GDPD5: variants seen among roughly 807,000 people sequenced by gnomAD.
GDPD5 encodes glycerophosphodiester phosphodiesterase domain containing 5.
Under a neutral mutation model 75.1 loss-of-function variants are expected in GDPD5, and 48 were observed. That is an observed-to-expected ratio of 0.64 (90% CI 0.51 to 0.81). The LOEUF (loss-of-function observed/expected upper bound fraction) is 0.81, where lower values mean the gene tolerates loss of function less well. GDPD5 is among the 40% of genes least tolerant of loss of function. The probability of loss-of-function intolerance (pLI) is 0.00; values close to 1 mark genes in which losing one functional copy is unlikely to be tolerated. For synonymous variants in GDPD5, 336 were observed against 339.0 expected (o/e 0.99, Z 0.10); for missense variants, 706 against 822.6 (o/e 0.86, Z 1.73).
Position 75,522,399 on chromosome 11 carries a change from C to T in GDPD5, c.-145+2811G>A, listed in dbSNP as rs116212994. On this transcript the variant is annotated intron_variant, in intron 1 of 16. Coordinates refer to ENST00000336898, the MANE Select transcript of GDPD5 (RefSeq NM_030792.8). ...AAGTTTCCTCTAGCTCCTGCCCAGA[C>T]AGCCACCTCCCTGACAAAGCCTTCC... Among the ~76,000 whole-genome samples, 564 of 152,308 alleles carry T rather than the reference C, an allele frequency of 3.7e-3. 5 individuals carry two copies. The highest frequency in any genetic ancestry group is 0.013 in the African/African-American group (546 of 41,558).
chr11:75,454,351 A>C (rs1243594293), intron 6 of GDPD5, among the ~76,000 whole-genome samples: 2 of 152,264 alleles, frequency 1.3e-5, no homozygotes, highest in African/African-American at 2.4e-5. Context: ...CCAATAAATC[A>C]GCTGATGCTT....
chr11:75,524,946 C>T (rs966528869), intron 1 of GDPD5, among the ~76,000 whole-genome samples: 6 of 152,254 alleles, frequency 3.9e-5, no homozygotes, highest in African/African-American at 1.4e-4. Context: ...CTCAGTTTCT[C>T]CATCTGCAAG....
intron 1 of GDPD5, among the ~76,000 whole-genome samples, chr11:75,518,350 G>A (rs1039134151): frequency 3.3e-5 from 5 of 152,188 alleles, no homozygotes; most frequent in Non-Finnish European, 5.9e-5. Context: ...AAGCAGCCTC[G>A]GAAGGAATGA....
At chr11:75,447,355 C>T (rs958184394) in intron 9 of GDPD5, among the ~76,000 whole-genome samples, 2 of 152,034 alleles carry the variant, frequency 1.3e-5, no homozygotes, top group African/African-American at 4.8e-5. Context: ...AATCATTATC[C>T]TTAATATTGG....
chr11:75,504,589 A>G (rs1343699111), intron 1 of GDPD5, among the ~76,000 whole-genome samples: 1 of 152,196 alleles, frequency 6.6e-6, no homozygotes, highest in Non-Finnish European at 1.5e-5. Context: ...TTCCACTTAT[A>G]TATGGTATCT....
intron 11 of GDPD5, 133 bp from the exon 12 acceptor site, chr11:75,442,714 G>T: frequency 1.3e-6 from 1 of 759,182 alleles, no homozygotes; most frequent in Non-Finnish European, 2.1e-6. Flanking sequence ...TGATGGCTGT[G>T]GCCATGTGGA....
At chr11:75,498,351 C>A (rs1950248437) in intron 1 of GDPD5, among the ~76,000 whole-genome samples, 1 of 152,244 alleles carries the variant, frequency 6.6e-6, no homozygotes, top group Non-Finnish European at 1.5e-5. Context: ...TCCCTGAGCA[C>A]CGTCTATGGA....
In GDPD5 at chr11:75,457,675, C is replaced by T. The variant is rs996596933; in HGVS notation, c.315+18G>A. ...CCTGGGAGCAGGGCCACCTGCCCTC[C>T]AAAACAGCCCCATGTACCAGGAGGC... On this transcript the variant is annotated intron_variant, in intron 5 of 16. Coordinates refer to ENST00000336898, the MANE Select transcript of GDPD5 (RefSeq NM_030792.8). The T allele has an allele frequency of 6.2e-7, 1 of 1,612,922 alleles. No individual in the cohort carries two copies. The highest frequency in any genetic ancestry group is 1.3e-5 in the African/African-American group (1 of 74,914).
intron 6 of GDPD5, among the ~76,000 whole-genome samples, chr11:75,454,470 A>G (rs1367061976): frequency 2.6e-5 from 4 of 152,252 alleles, no homozygotes; most frequent in Non-Finnish European, 5.9e-5. Flanking sequence ...GAAAGTACAC[A>G]TTCTTCACCC....
At chr11:75,464,386 G>A (rs1949474954) in intron 3 of GDPD5, among the ~76,000 whole-genome samples, 1 of 152,220 alleles carries the variant, frequency 6.6e-6, no homozygotes, top group Non-Finnish European at 1.5e-5. Flanking sequence ...CACACTACCA[G>A]TGTATCTGTG....
chr11:75,465,870 C>G (rs1240009635), intron 3 of GDPD5, among the ~76,000 whole-genome samples: 1 of 152,224 alleles, frequency 6.6e-6, no homozygotes, highest in Non-Finnish European at 1.5e-5. Context: ...GGTAAAGCAC[C>G]TCCTGTAGGC....
At chr11:75,507,836 C>T (rs1019498635) in intron 1 of GDPD5, among the ~76,000 whole-genome samples, 3 of 152,216 alleles carry the variant, frequency 2.0e-5, no homozygotes, top group Non-Finnish European at 4.4e-5. Context: ...GCTCTACACA[C>T]GCATTGACCA....
chr11:75,466,666 T>C lies in GDPD5; in HGVS notation c.118-3777A>G, dbSNP rs541867582. 5.4e-4 allele frequency among the ~76,000 whole-genome samples: 82 copies of C among 152,294 alleles called. 1 individual carries two copies. Among genetic ancestry groups the C allele is most frequent in the Non-Finnish European group, 9.1e-4 (62 of 68,012 alleles). On this transcript the variant is annotated intron_variant, in intron 3 of 16. Transcript: ENST00000336898. ...AAGCTCAGAGAAGGGCCACCACATA[T>C]GGCTGAGCAAGTTGTGCACTGCCCC... is the stretch of plus-strand genomic sequence containing the variant.
chr11:75,503,944 A>C, intron 1 of GDPD5, among the ~76,000 whole-genome samples: 1 of 152,162 alleles, frequency 6.6e-6, no homozygotes, highest in African/African-American at 2.4e-5. Flanking sequence ...ATCCCTCCTA[A>C]GGACAAGGCT....
Position 75,494,055 on chromosome 11 carries a change from T to C in GDPD5, c.-144-3735A>G, listed in dbSNP as rs377252775. ...ATAAAATTTTCAAAAATTTAATTAA[T>C]ATTTCATGTCTATTTAAAGATTTTA... On this transcript the variant is annotated intron_variant, in intron 1 of 16. Coordinates refer to ENST00000336898, the MANE Select transcript of GDPD5 (RefSeq NM_030792.8). Among the ~76,000 whole-genome samples the C allele has an allele frequency of 1.8e-4, 27 of 152,348 alleles. No homozygotes were observed. The South Asian group carries it at 5.4e-3, about 30-fold the overall frequency.
intron 1 of GDPD5, among the ~76,000 whole-genome samples, chr11:75,521,742 T>A (rs571645925): frequency 1.3e-5 from 2 of 152,242 alleles, no homozygotes; most frequent in South Asian, 4.2e-4. Flanking sequence ...CAGTCAGGTC[T>A]TGACAGGTGG....
At chr11:75,483,188 C>T (rs1949954802) in intron 2 of GDPD5, among the ~76,000 whole-genome samples, 1 of 152,158 alleles carries the variant, frequency 6.6e-6, no homozygotes. Flanking sequence ...CCAAGAGCTA[C>T]TGCTGGCTCT....
At chr11:75,441,554 G>A (rs1162797057) in intron 13 of GDPD5, 92 bp downstream of exon 13, 4 of 1,238,708 alleles carry the variant, frequency 3.2e-6, no homozygotes, top group African/African-American at 3.0e-5. Context: ...GTGTGTGTGT[G>A]TGTGTGTGTG....
chr11:75,449,933 C>G lies in GDPD5; in HGVS notation c.426G>C (p.Val142=). The G allele has an allele frequency of 1.2e-6, 2 of 1,613,764 alleles. No individual in the cohort carries two copies. Among genetic ancestry groups the G allele is most frequent in the Non-Finnish European group, 1.7e-6 (2 of 1,180,034 alleles). Residue 142 remains valine, a synonymous_variant, in exon 7 of 17, where the codon GTG becomes GTC. Coordinates refer to ENST00000336898, the MANE Select transcript of GDPD5 (RefSeq NM_030792.8). Reference sequence around the variant, plus strand: ...CCCACTCGTCCTCCCACAGCTGGGCCACGGCCGACATGGCCACCACCGTGG... The same window carrying G: ...CCCACTCGTCCTCCCACAGCTGGGCGACGGCCGACATGGCCACCACCGTGG... ...LASTVVAMSA[V]AQLWEDEWEV...
Sources: allele counts gnomAD v4.1 joint callset (sites outside exome capture counted in the v4.1 genomes callset), GRCh38; gene constraint gnomAD v4.1.1; transcripts MANE v1.5; gene names NCBI Gene and HGNC (gene_info 2026-07-23, HGNC 2026-07-21).